Variants in PARD3 observed in about 807,000 individuals in gnomAD.
The protein encoded by PARD3 is par-3 family cell polarity regulator, also known as partitioning defective 3 homolog.
A neutral mutation model predicts 155.4 loss-of-function variants in PARD3; 75 were observed. The ratio of observed to expected loss-of-function variants is 0.48; its 90% confidence interval spans 0.40 to 0.58. PARD3 has a LOEUF of 0.58. Ranked by LOEUF, PARD3 falls within the 20% of genes least tolerant of loss-of-function variation. PARD3 has a pLI of 0.00. For synonymous variants in PARD3, 576 were observed against 610.5 expected (o/e 0.94, Z 0.83); for missense variants, 1,642 against 1,721.7 (o/e 0.95, Z 0.82).
At chr10:34,501,091 T>C (rs1463026080) in intron 3 of PARD3, among the ~76,000 whole-genome samples, 3 of 152,182 alleles carry the variant, frequency 2.0e-5, no homozygotes, top group Non-Finnish European at 4.4e-5. Context: ...TATTGCCCCA[T>C]ATGGCTCACC....
At chr10:34,497,877 T>C (rs1019588254) in intron 3 of PARD3, among the ~76,000 whole-genome samples, 1 of 152,132 alleles carries the variant, frequency 6.6e-6, no homozygotes, top group African/African-American at 2.4e-5. Flanking sequence ...GAAACACAAT[T>C]AATTATAATA....
chr10:34,215,232 G>A (rs535475941), intron 22 of PARD3, among the ~76,000 whole-genome samples: 2 of 152,086 alleles, frequency 1.3e-5, no homozygotes, highest in Non-Finnish European at 2.9e-5. Flanking sequence ...AGGTCAGCCC[G>A]GAAAATACAA....
intron 19 of PARD3, among the ~76,000 whole-genome samples, chr10:34,330,130 T>C (rs565288620): frequency 6.4e-4 from 97 of 152,264 alleles, no homozygotes; most frequent in African/African-American, 2.3e-3. Context: ...AGTTTGATGG[T>C]TGAGTCACAT....
intron 1 of PARD3, among the ~76,000 whole-genome samples, chr10:34,797,058 AG>A (rs1842341909): frequency 6.6e-6 from 1 of 152,244 alleles, no homozygotes; most frequent in Admixed American, 6.5e-5. Flanking sequence ...TAGGTTCATG[AG>A]GCAGCACAAC....
chr10:34,309,548 C>CAAAAAAAAA (rs1173904388), intron 20 of PARD3, among the ~76,000 whole-genome samples: 26 of 64,032 alleles, frequency 4.1e-4, no homozygotes, highest in East Asian at 2.3e-3. Flanking sequence ...ACCCTGTCTC[C>CAAAAAAAAA]AAAAAAAAAA....
At chr10:34,805,338 C>T (rs1176183730) in intron 1 of PARD3, among the ~76,000 whole-genome samples, 1 of 152,074 alleles carries the variant, frequency 6.6e-6, no homozygotes, top group African/African-American at 2.4e-5. Flanking sequence ...GCCTGGGCAA[C>T]AAAGTGAGAC....
At chr10:34,468,775 T>A (rs998257513) in intron 4 of PARD3, among the ~76,000 whole-genome samples, 3 of 152,204 alleles carry the variant, frequency 2.0e-5, no homozygotes, top group African/African-American at 7.2e-5. Context: ...TTTTTGTCAC[T>A]AGAATTACTA....
At chr10:34,798,490 A>T (rs998480607) in intron 1 of PARD3, among the ~76,000 whole-genome samples, 2 of 152,040 alleles carry the variant, frequency 1.3e-5, no homozygotes, top group Non-Finnish European at 2.9e-5. Flanking sequence ...GGATCACCTG[A>T]GGTCAGGAGT....
chr10:34,190,631 C>A (rs1950662794), intron 22 of PARD3, among the ~76,000 whole-genome samples: 1 of 152,170 alleles, frequency 6.6e-6, no homozygotes, highest in African/African-American at 2.4e-5. Flanking sequence ...TCACCCAACA[C>A]AATTTCTGCC....
chr10:34,403,913 A>T (rs766228433), intron 5 of PARD3, among the ~76,000 whole-genome samples: 1 of 152,066 alleles, frequency 6.6e-6, no homozygotes, highest in Non-Finnish European at 1.5e-5. Context: ...TTTTTTCAGG[A>T]TTCATTAATA....
At chr10:34,344,841 A>C in intron 15 of PARD3, 1 of 985,448 alleles carries the variant, frequency 1.0e-6, no homozygotes, top group Non-Finnish European at 1.2e-6. Flanking sequence ...TGATAAAGAA[A>C]AACATGCATC....
chr10:34,533,449 T>A (rs551932777), intron 2 of PARD3, among the ~76,000 whole-genome samples: 146 of 152,202 alleles, frequency 9.6e-4, no homozygotes, highest in Non-Finnish European at 1.4e-3. Flanking sequence ...AATATTTTTT[T>A]AAAAAAGCAA....
chr10:34,612,048 G>A (rs925816191), intron 2 of PARD3, among the ~76,000 whole-genome samples: 14 of 151,152 alleles, frequency 9.3e-5, no homozygotes, highest in Non-Finnish European at 1.8e-4. Context: ...GGATGGTCTC[G>A]ATCCCCTCAC....
intron 2 of PARD3, among the ~76,000 whole-genome samples, chr10:34,553,772 A>G (rs2084780311): frequency 1.3e-5 from 2 of 152,228 alleles, no homozygotes; most frequent in Admixed American, 1.3e-4. Context: ...CAACACATAA[A>G]TAAGCAATGT....
At chr10:34,123,548 C>T (rs184911661) in intron 23 of PARD3, among the ~76,000 whole-genome samples, 2 of 152,004 alleles carry the variant, frequency 1.3e-5, no homozygotes, top group Non-Finnish European at 2.9e-5. Context: ...CTCAAGCTGT[C>T]CTCAGTAGCC....
At chr10:34,632,760 C>T (rs1315580611) in intron 2 of PARD3, among the ~76,000 whole-genome samples, 1 of 152,098 alleles carries the variant, frequency 6.6e-6, no homozygotes, top group Non-Finnish European at 1.5e-5. Flanking sequence ...GAGGATAAAC[C>T]CAGCAAGTCT....
At chr10:34,402,466 GCTTCATCCC>G (rs1843990371) in intron 5 of PARD3, among the ~76,000 whole-genome samples, 1 of 152,066 alleles carries the variant, frequency 6.6e-6, no homozygotes, top group Admixed American at 6.6e-5. Flanking sequence ...GATTTTACAG[GCTTCATCCC>G]GTAAAATTTC....
chr10:34,562,494 AAGTGGCATCAGCAGCACCG>A (rs2085576946), intron 2 of PARD3, among the ~76,000 whole-genome samples: 1 of 152,046 alleles, frequency 6.6e-6, no homozygotes, highest in Non-Finnish European at 1.5e-5. Context: ...TTTCCCCACC[AAGTGGCATCAGCAGCACCG>A]AGCTCACATG....
At chr10:34,630,880 T>A (rs1309376752) in intron 2 of PARD3, among the ~76,000 whole-genome samples, 2 of 151,960 alleles carry the variant, frequency 1.3e-5, no homozygotes, top group East Asian at 1.9e-4. Context: ...AGTGGCGCAA[T>A]CATATTTCAC....
Sources: gnomAD v4.1 joint callset for allele counts (sites outside exome capture counted in the v4.1 genomes callset) on GRCh38, gnomAD v4.1.1 for gene constraint, MANE v1.5 for transcripts, NCBI Gene and HGNC (gene_info 2026-07-23, HGNC 2026-07-21) for gene names.